Variants in TMEM132B observed in about 807,000 individuals in gnomAD.
The protein encoded by TMEM132B is transmembrane protein 132B.
In TMEM132B, 18 loss-of-function variants were observed where a neutral mutation model predicts 90.8. That is an observed-to-expected ratio of 0.20 (90% CI 0.14 to 0.29). The LOEUF (loss-of-function observed/expected upper bound fraction) is 0.29. TMEM132B is among the 10% of genes least tolerant of loss of function. The pLI, the probability that TMEM132B is intolerant of heterozygous loss-of-function variation, is 1.00. For synonymous variants in TMEM132B, 504 were observed against 523.3 expected, an observed-to-expected ratio of 0.96 and a Z score of 0.50; for missense variants, 1,096 against 1,326.8, an observed-to-expected ratio of 0.83 and a Z score of 2.70.
chr12:125,363,221 T>C (rs1878017629), intron 2 of TMEM132B, among the ~76,000 whole-genome samples: 1 of 152,154 alleles, frequency 6.6e-6, no homozygotes, highest in South Asian at 2.1e-4. Context: ...GAAGGCTCAA[T>C]TGAACAAGGG....
intron 3 of TMEM132B, among the ~76,000 whole-genome samples, chr12:125,446,546 C>G (rs1296386100): frequency 6.6e-6 from 1 of 152,132 alleles, no homozygotes; most frequent in Non-Finnish European, 1.5e-5. Flanking sequence ...CCTTTAGTCT[C>G]TTCTAGACTC....
chr12:125,451,309 C>T (rs528436941), intron 3 of TMEM132B, among the ~76,000 whole-genome samples: 1 of 152,088 alleles, frequency 6.6e-6, no homozygotes, highest in South Asian at 2.1e-4. Flanking sequence ...GGGTAAGTGG[C>T]CATGGCATAA....
intron 3 of TMEM132B, among the ~76,000 whole-genome samples, chr12:125,475,361 G>A (rs1364260473): frequency 1.3e-5 from 2 of 152,186 alleles, no homozygotes; most frequent in Non-Finnish European, 2.9e-5. Flanking sequence ...AAATAGGCTT[G>A]TGATGGTTAA....
chr12:125,491,117 C>A (rs1050919079), intron 3 of TMEM132B, among the ~76,000 whole-genome samples: 3 of 152,070 alleles, frequency 2.0e-5, no homozygotes, highest in African/African-American at 7.2e-5. Flanking sequence ...GAGAACCTCT[C>A]GGTTAAGCTG....
chr12:125,534,988 A>G (rs993175743), intron 4 of TMEM132B, among the ~76,000 whole-genome samples: 8 of 152,342 alleles, frequency 5.3e-5, no homozygotes, highest in Non-Finnish European at 8.8e-5. Context: ...GATCTGTTGG[A>G]CAGCGCTGCT....
At chr12:125,413,035 T>TAAA (rs1382271617) in intron 2 of TMEM132B, among the ~76,000 whole-genome samples, 1 of 152,014 alleles carries the variant, frequency 6.6e-6, no homozygotes, top group Non-Finnish European at 1.5e-5. Flanking sequence ...GGAGTCTGTG[T>TAAA]AAAGACCTAC....
Position 125,644,231 on chromosome 12 carries a change from C to T in TMEM132B, c.1593C>T (p.Thr531=), listed in dbSNP as rs758226132. The change falls in exon 6 of 9, where the codon ACC becomes ACT. Residue 531 remains threonine, a synonymous_variant. Coordinates refer to ENST00000682704, the MANE Select transcript of TMEM132B (RefSeq NM_001366854.1). The part of the protein sequence containing the change: ...RLPLQIEISD[T]ELSQIKGWRI... The stretch of plus-strand genomic sequence containing the variant: ...CCCTGCAGATTGAGATCTCAGACAC[C>T]GAGCTGAGCCAGATCAAGGGCTGGA... The T allele has an allele frequency of 1.6e-5, 26 of 1,614,034 alleles. No homozygotes were observed. Among genetic ancestry groups the T allele is most frequent in the Middle Eastern group, 1.6e-4 (1 of 6,084 alleles).
At chr12:125,245,955 G>A (rs1048354732) in intron 1 of TMEM132B, among the ~76,000 whole-genome samples, 4 of 152,154 alleles carry the variant, frequency 2.6e-5, no homozygotes, top group Non-Finnish European at 5.9e-5. Flanking sequence ...TGATTCACCC[G>A]ACATCTCTGC....
chr12:125,580,854 C>G (rs960533132), intron 4 of TMEM132B, among the ~76,000 whole-genome samples: 3 of 152,156 alleles, frequency 2.0e-5, no homozygotes, highest in African/African-American at 7.2e-5. Context: ...AGAACTCACA[C>G]AAATAAGAGC....
At chr12:125,555,913 A>G (rs1042889693) in intron 4 of TMEM132B, among the ~76,000 whole-genome samples, 11 of 152,318 alleles carry the variant, frequency 7.2e-5, no homozygotes, top group African/African-American at 2.4e-4. Flanking sequence ...ACCCAAGGAT[A>G]AGATAAGCTG....
chr12:125,424,875 G>A (rs983042860), intron 3 of TMEM132B, among the ~76,000 whole-genome samples: 3 of 152,156 alleles, frequency 2.0e-5, no homozygotes, highest in Middle Eastern at 3.2e-3. Flanking sequence ...AGGGGTAGGC[G>A]GATGACAAAT....
chr12:125,248,557 C>A (rs553681875), intron 1 of TMEM132B, among the ~76,000 whole-genome samples: 1 of 152,288 alleles, frequency 6.6e-6, no homozygotes, highest in East Asian at 1.9e-4. Context: ...AGAAAACCAT[C>A]TGAATGTGCC....
chr12:125,589,212 G>A (rs1228420743), intron 5 of TMEM132B, among the ~76,000 whole-genome samples: 2 of 151,952 alleles, frequency 1.3e-5, no homozygotes, highest in East Asian at 3.9e-4. Flanking sequence ...GCCGGGCACG[G>A]TGGCTCACGC....
In TMEM132B at chr12:125,655,038, T is replaced by A. The variant is rs1887026408; in HGVS notation, c.*328T>A. The A allele has an allele frequency of 4.2e-6, 1 of 237,910 alleles. No homozygotes were observed. Among genetic ancestry groups the A allele is most frequent in the Admixed American group, 5.0e-5 (1 of 19,896 alleles). 14.7% of individuals were successfully genotyped at this position (237,910 alleles called of 1,614,324 possible). Reference sequence around the variant, plus strand: ...TCTCGTGACAAATGGCCATGTGGAATTAGAAAAGATTTGGGTGTTGATTTT... The same window carrying A: ...TCTCGTGACAAATGGCCATGTGGAAATAGAAAAGATTTGGGTGTTGATTTT... On this transcript the variant is annotated 3_prime_UTR_variant, in exon 9 of 9. Coordinates refer to ENST00000682704, the MANE Select transcript of TMEM132B (RefSeq NM_001366854.1).
chr12:125,250,776 C>T (rs911535238), intron 1 of TMEM132B, among the ~76,000 whole-genome samples: 2 of 152,184 alleles, frequency 1.3e-5, no homozygotes, highest in Non-Finnish European at 2.9e-5. Flanking sequence ...GCAAGCACAG[C>T]GATTTATGTT....
intron 1 of TMEM132B, among the ~76,000 whole-genome samples, chr12:125,207,856 A>T (rs919364275): frequency 2.0e-5 from 3 of 152,236 alleles, no homozygotes; most frequent in Non-Finnish European, 4.4e-5. Flanking sequence ...TTAACATTGT[A>T]TCTTCGAGGT....
At chr12:125,197,148 G>T (rs12581180) in intron 1 of TMEM132B, among the ~76,000 whole-genome samples, 39,497 of 151,498 alleles carry the variant, frequency 0.26, 5,771 homozygotes, top group East Asian at 0.47. Context: ...ATTCTCTCCC[G>T]CCTCCCACCC....
At chr12:125,396,257 C>T (rs1879166390) in intron 2 of TMEM132B, among the ~76,000 whole-genome samples, 1 of 152,170 alleles carries the variant, frequency 6.6e-6, no homozygotes, top group Non-Finnish European at 1.5e-5. Flanking sequence ...GGATGATTCT[C>T]ACAGTAGTTT....
intron 3 of TMEM132B, among the ~76,000 whole-genome samples, chr12:125,456,243 A>T (rs1056027882): frequency 1.3e-5 from 2 of 152,178 alleles, no homozygotes; most frequent in Non-Finnish European, 2.9e-5. Context: ...TTTGACTGAC[A>T]CAAGGTGAAA....
Sources: allele counts gnomAD v4.1 joint callset (sites outside exome capture counted in the v4.1 genomes callset), GRCh38; gene constraint gnomAD v4.1.1; transcripts MANE v1.5; gene names NCBI Gene and HGNC (gene_info 2026-07-23, HGNC 2026-07-21).